The following DDX60L variants were observed in gnomAD, a reference collection of about 807,000 sequenced individuals.
The protein encoded by DDX60L is DExD/H-box 60 like, also known as probable ATP-dependent RNA helicase DDX60-like.
Under a neutral mutation model 211.6 loss-of-function variants are expected in DDX60L, and 191 were observed. The observed-to-expected ratio is 0.90, with a 90% confidence interval of 0.80 to 1.02. DDX60L has a LOEUF of 1.02. Ranked by LOEUF, DDX60L falls within the 50% of genes least tolerant of loss-of-function variation. The pLI, the probability that DDX60L is intolerant of heterozygous loss-of-function variation, is 0.00. For missense variants in DDX60L, 2,007 were observed against 1,984.1 expected (o/e 1.01, Z -0.22); for synonymous variants, 706 against 694.1 (o/e 1.02, Z -0.27).
At chr4:168,420,153 A>C in intron 18 of DDX60L, 108 bp downstream of exon 18, 1 of 961,164 alleles carries the variant, frequency 1.0e-6, no homozygotes, top group Non-Finnish European at 1.5e-6. Flanking sequence ...TTGTGAATTC[A>C]GTGAAATGAT....
intron 10 of DDX60L, among the ~76,000 whole-genome samples, chr4:168,438,263 G>T (rs1753344521): frequency 6.6e-6 from 1 of 152,140 alleles, no homozygotes; most frequent in Non-Finnish European, 1.5e-5. Flanking sequence ...CCTGCTTCAA[G>T]ATATCCTGCC....
In DDX60L at chr4:168,427,171, T is replaced by G. The variant is rs1751591942; in HGVS notation, c.1829A>C (p.Asp610Ala). 3.1e-6 allele frequency: 5 copies of G among 1,611,800 alleles called. No homozygotes were observed. The highest frequency in any genetic ancestry group is 4.2e-6 in the Non-Finnish European group (5 of 1,178,596). The change falls in exon 14 of 38, where the codon GAT (aspartate) becomes GCT (alanine). Residue 610 changes from aspartate to alanine, a missense_variant. Physicochemically the swap from Asp to Ala is moderately radical, Grantham distance 126. Transcript: ENST00000682922. Reference protein sequence around the residue: ...NLHSGIRKLEDYLTSCASNSV... With the variant: ...NLHSGIRKLEAYLTSCASNSV... ...ATTACTTGCACATGATGTCAAATAA[T>G]CTTCCAATTTCCTTATTCCAGAATG...
intron 1 of DDX60L, chr4:168,475,947 G>A (rs1759426516): frequency 6.9e-6 from 1 of 145,706 alleles, no homozygotes; most frequent in Non-Finnish European, 1.5e-5. Flanking sequence ...CTCTCTCTCA[G>A]AACACAGCAA....
At chr4:168,381,335 T>C (rs1488506804) in intron 30 of DDX60L, among the ~76,000 whole-genome samples, 2 of 152,046 alleles carry the variant, frequency 1.3e-5, no homozygotes, top group Non-Finnish European at 2.9e-5. Context: ...TGGAGTGCAG[T>C]AGGTCATAGC....
intron 37 of DDX60L, among the ~76,000 whole-genome samples, chr4:168,360,622 A>G (rs1738940192): frequency 6.6e-6 from 1 of 152,256 alleles, no homozygotes; most frequent in South Asian, 2.1e-4. Context: ...CCAATGGAGC[A>G]TAGAGAAAGG....
chr4:168,422,393 C>A (rs865944488), intron 16 of DDX60L, 131 bp downstream of exon 16: 10 of 842,330 alleles, frequency 1.2e-5, no homozygotes, highest in Non-Finnish European at 1.8e-5. Context: ...TAGTTACATT[C>A]TCCAGGCACA....
intron 9 of DDX60L, among the ~76,000 whole-genome samples, chr4:168,448,394 GCATCTAC>G (rs1162383193): frequency 1.3e-5 from 2 of 152,028 alleles, no homozygotes; most frequent in African/African-American, 4.8e-5. Context: ...AAAATATCAT[GCATCTAC>G]CATTTAAATA....
chr4:168,456,425 AAAG>A (rs1423878580), intron 6 of DDX60L, among the ~76,000 whole-genome samples: 1 of 152,186 alleles, frequency 6.6e-6, no homozygotes, highest in Non-Finnish European at 1.5e-5. Flanking sequence ...ACTGATTCAC[AAAG>A]AAGGAAATAG....
At position 168,421,927 on chromosome 4, in the gene DDX60L, C is replaced by T. The variant is rs758111209; in HGVS notation, c.2245-18G>A. 1 of 1,613,816 alleles carries T rather than the reference C, an allele frequency of 6.2e-7. No homozygotes were observed. Among genetic ancestry groups the T allele is most frequent in the Non-Finnish European group, 8.5e-7 (1 of 1,179,822 alleles). Reference sequence around the variant, plus strand: ...AGTTCCTGCTGCAGGGTACAAAGCACCATTTGTGTCAAGAAAGTGAACAGC... The same window carrying T: ...AGTTCCTGCTGCAGGGTACAAAGCATCATTTGTGTCAAGAAAGTGAACAGC... On this transcript the variant is annotated intron_variant, in intron 16 of 37. Transcript: ENST00000682922.
Position 168,448,838 on chromosome 4 carries a change from G to C in DDX60L, c.997-59C>G. On this transcript the variant is annotated intron_variant, in intron 8 of 37. Transcript: ENST00000682922. ...AGGCATGGAATAATTTCATACTCCT[G>C]GTTAACCCCCTATAAGGTAGGTCAC... 3.3e-6 allele frequency: 5 copies of C among 1,494,704 alleles called. No individual in the cohort carries two copies. In the South Asian group the frequency reaches 5.0e-5, roughly 15 times the overall value. The allele number at this position is 1,494,704 out of a possible 1,614,324, so 92.6% of individuals were successfully genotyped here. A position where few individuals can be genotyped will look rare whatever the true frequency, so the allele number is the denominator to read the frequency against.
At chr4:168,374,204 G>A (rs566403651) in intron 34 of DDX60L, among the ~76,000 whole-genome samples, 28 of 151,536 alleles carry the variant, frequency 1.8e-4, no homozygotes, top group South Asian at 8.3e-4. Context: ...GGTCTGGCTC[G>A]TTTTTCCCAT....
At chr4:168,433,947 A>G (rs1752702732) in intron 10 of DDX60L, among the ~76,000 whole-genome samples, 2 of 152,194 alleles carry the variant, frequency 1.3e-5, no homozygotes, top group South Asian at 2.1e-4. Context: ...ATTTTGTCTC[A>G]TTACTTAAAA....
chr4:168,458,221 C>A (rs1315212263), intron 5 of DDX60L, among the ~76,000 whole-genome samples: 1 of 152,086 alleles, frequency 6.6e-6, no homozygotes, highest in Non-Finnish European at 1.5e-5. Context: ...GAAATTAGTT[C>A]AACCATTATG....
intron 17 of DDX60L, among the ~76,000 whole-genome samples, chr4:168,420,635 CA>C (rs1338668353): frequency 1.1e-4 from 10 of 93,682 alleles, no homozygotes; most frequent in African/African-American, 4.1e-4. Flanking sequence ...CACACACACA[CA>C]CACATGAGAT....
intron 30 of DDX60L, among the ~76,000 whole-genome samples, chr4:168,383,359 A>T (rs12650404): frequency 1.3e-5 from 2 of 152,148 alleles, no homozygotes; most frequent in Non-Finnish European, 1.5e-5. Flanking sequence ...AAGGTTGAAG[A>T]CAGCTGTCTG....
chr4:168,408,569 CTTCA>C (rs1028231523), intron 22 of DDX60L, among the ~76,000 whole-genome samples: 4 of 151,874 alleles, frequency 2.6e-5, no homozygotes, highest in Non-Finnish European at 4.4e-5. Flanking sequence ...GTTTGTACTT[CTTCA>C]TTCATAAACA....
At chr4:168,462,579 G>C (rs188478232) in intron 4 of DDX60L, among the ~76,000 whole-genome samples, 5 of 152,284 alleles carry the variant, frequency 3.3e-5, no homozygotes, top group African/African-American at 9.6e-5. Flanking sequence ...TTAGGAGGCC[G>C]AGGTGGGTGG....
At chr4:168,453,399 T>C in intron 7 of DDX60L, 117 bp from the exon 8 acceptor site, 1 of 1,098,174 alleles carries the variant, frequency 9.1e-7, no homozygotes, top group Non-Finnish European at 1.3e-6. Flanking sequence ...TGTGAGAAAG[T>C]CCCCTTCTGC....
chr4:168,461,312 C>T (rs940966434), intron 5 of DDX60L, among the ~76,000 whole-genome samples: 1 of 152,156 alleles, frequency 6.6e-6, no homozygotes, highest in Non-Finnish European at 1.5e-5. Flanking sequence ...GTTTTAGGGG[C>T]TCTGTGACAG....
Sources: allele counts gnomAD v4.1 joint callset (sites outside exome capture counted in the v4.1 genomes callset), GRCh38; gene constraint gnomAD v4.1.1; transcripts MANE v1.5; gene names NCBI Gene and HGNC (gene_info 2026-07-23, HGNC 2026-07-21).